ANKRD36: variants seen among roughly 807,000 people sequenced by gnomAD.
ANKRD36 encodes the protein ankyrin repeat domain-containing protein 36A.
In ANKRD36, 179 loss-of-function variants were observed where a neutral mutation model predicts 278.1. The observed-to-expected ratio is 0.64, with a 90% confidence interval of 0.57 to 0.73. The LOEUF (loss-of-function observed/expected upper bound fraction) is 0.73, where lower values mean the gene tolerates loss of function less well. ANKRD36 is among the 30% of genes least tolerant of loss of function. The probability of loss-of-function intolerance (pLI) is 0.00; values close to 1 mark genes in which losing one functional copy is unlikely to be tolerated. For synonymous variants in ANKRD36, 320 were observed against 641.1 expected (o/e 0.50, Z 7.57); for missense variants, 1,159 against 1,956.7 (o/e 0.59, Z 7.69).
chr2:97,201,837 T>A (rs1383543278), intron 46 of ANKRD36, among the ~76,000 whole-genome samples: 1 of 151,918 alleles, frequency 6.6e-6, no homozygotes, highest in East Asian at 1.9e-4. Flanking sequence ...GAAAGACATG[T>A]GGGATCATGT....
At chr2:97,173,728 G>A (rs2053379869) in intron 22 of ANKRD36, among the ~76,000 whole-genome samples, 1 of 151,758 alleles carries the variant, frequency 6.6e-6, no homozygotes, top group Non-Finnish European at 1.5e-5. Flanking sequence ...GGAGGTTTCT[G>A]ATGAGGAGAC....
chr2:97,208,753 T>A lies in ANKRD36; in HGVS notation c.3265+747T>A, dbSNP rs544998178. ...GAATGTGAATAAATTTGCTTCCTTG[T>A]TCAAGGAGCTACCTCGTGGATAAAA... On this transcript the variant is annotated intron_variant, in intron 54 of 75. Coordinates refer to ENST00000420699, the MANE Select transcript of ANKRD36 (RefSeq NM_001354587.1). Among the ~76,000 whole-genome samples, 3 of 146,622 alleles carry A rather than the reference T, an allele frequency of 2.0e-5. No individual in the cohort carries two copies. In the South Asian group the frequency reaches 6.3e-4, roughly 31 times the overall value.
intron 22 of ANKRD36, among the ~76,000 whole-genome samples, chr2:97,174,206 C>A (rs2924029): frequency 6.6e-6 from 1 of 151,678 alleles, no homozygotes; most frequent in Non-Finnish European, 1.5e-5. Context: ...GTGAGAAAGT[C>A]GAACTGCTGA....
intron 38 of ANKRD36, 38 bp from the exon 39 acceptor site, chr2:97,194,688 T>A: frequency 6.2e-7 from 1 of 1,602,156 alleles, no homozygotes; most frequent in Non-Finnish European, 8.5e-7. Flanking sequence ...TTTATCATAT[T>A]TACATGTGAG....
At chr2:97,185,175 T>C in intron 28 of ANKRD36, 141 bp from the exon 29 acceptor site, 1 of 1,187,210 alleles carries the variant, frequency 8.4e-7, no homozygotes, top group Non-Finnish European at 1.2e-6. Context: ...TTTCTGGTCA[T>C]GTTCCAGTCC....
chr2:97,213,494 A>G, intron 59 of ANKRD36, 47 bp downstream of exon 59: 1 of 556,236 alleles, frequency 1.8e-6, no homozygotes, highest in Non-Finnish European at 2.9e-6. Context: ...TGTGTGGTCT[A>G]TGAAACATAG....
rs997878928 is a variant in ANKRD36, at chr2:97,144,634, A to T, written c.931-6A>T. ...TATTGATTATTTTGTTTGAAATCCC[A>T]CTCAGGATACAAGTGACAAGGATGA... On this transcript the variant is annotated splice_region_variant and splice_polypyrimidine_tract_variant and intron_variant, in intron 9 of 75. Transcript: ENST00000420699. The T allele has an allele frequency of 1.0e-5, 16 of 1,545,164 alleles. No homozygotes were observed. Among genetic ancestry groups the T allele is most frequent in the Middle Eastern group, 1.7e-4 (1 of 5,910 alleles).
At chr2:97,205,294 A>G (rs910288112) in intron 50 of ANKRD36, among the ~76,000 whole-genome samples, 3 of 151,570 alleles carry the variant, frequency 2.0e-5, no homozygotes, top group African/African-American at 7.3e-5. Context: ...GAGTGGATGA[A>G]GAAACATTTG....
At chr2:97,166,002 G>A (rs2050549795) in intron 20 of ANKRD36, among the ~76,000 whole-genome samples, 1 of 150,764 alleles carries the variant, frequency 6.6e-6, no homozygotes, top group Non-Finnish European at 1.5e-5. Context: ...CTATGTCATT[G>A]TAATTGCAGA....
At chr2:97,195,618 G>A (rs1473829151) in intron 40 of ANKRD36, among the ~76,000 whole-genome samples, 176 of 152,052 alleles carry the variant, frequency 1.2e-3, no homozygotes, top group Admixed American at 2.3e-3. Context: ...GTTGATTTTA[G>A]TTATAGAAAT....
At chr2:97,178,878 A>T (rs547732385) in intron 22 of ANKRD36, among the ~76,000 whole-genome samples, 26 of 151,814 alleles carry the variant, frequency 1.7e-4, no homozygotes, top group African/African-American at 6.3e-4. Flanking sequence ...ATGATACTTT[A>T]ACCAGACTAT....
At chr2:97,134,417 G>A (rs577609646) in intron 6 of ANKRD36, among the ~76,000 whole-genome samples, 1 of 152,182 alleles carries the variant, frequency 6.6e-6, no homozygotes, top group South Asian at 2.1e-4. Context: ...TAGACTAGCA[G>A]TGGAAAGGGA....
In ANKRD36 at chr2:97,241,171, A is replaced by G. The variant is rs76751247; in HGVS notation, c.4094-95A>G. 1.3e-5 allele frequency: 8 copies of G among 592,824 alleles called. No homozygotes were observed. The East Asian group carries it at 2.2e-4, about 16-fold the overall frequency. The allele number at this position is 592,824 out of a possible 1,614,324, so 36.7% of individuals were successfully genotyped here. A position where few individuals can be genotyped will look rare whatever the true frequency, so the allele number is the denominator to read the frequency against. On this transcript the variant is annotated intron_variant, in intron 68 of 75. Coordinates refer to ENST00000420699, the MANE Select transcript of ANKRD36 (RefSeq NM_001354587.1). ...CACTCAATATGTACATACTTGTTCAACGTATGAATGAATACATGTTAAAAA... is the reference window on the plus strand; with the variant it reads ...CACTCAATATGTACATACTTGTTCAGCGTATGAATGAATACATGTTAAAAA...
At chr2:97,175,484 T>G (rs928049532) in intron 22 of ANKRD36, among the ~76,000 whole-genome samples, 2 of 151,936 alleles carry the variant, frequency 1.3e-5, no homozygotes, top group Non-Finnish European at 2.9e-5. Flanking sequence ...CCTTTATCAT[T>G]TTTTATTGCG....
At chr2:97,262,998 G>A (rs192665635) in intron 75 of ANKRD36, among the ~76,000 whole-genome samples, 2,487 of 130,822 alleles carry the variant, frequency 0.019, 9 homozygotes, top group Middle Eastern at 0.038. Context: ...GTGTTTTTCC[G>A]TGTTGCTCTT....
rs1203039977 is a variant in ANKRD36 at position 97,154,676 on chromosome 2, T to C, written c.1195T>C (p.Cys399Arg). The change falls in exon 15 of 76, where the codon TGT becomes CGT. Residue 399 changes from cysteine to arginine, a missense_variant and splice_region_variant. Cys to Arg is a radical substitution (Grantham distance 180, BLOSUM62 -3). Coordinates refer to ENST00000420699, the MANE Select transcript of ANKRD36 (RefSeq NM_001354587.1). ...TTGTAATATCTTTTTGCTCTGTAGGTGTCTCTACCTACTGGACCGTTTTGC... is the reference window on the plus strand; with the variant it reads ...TTGTAATATCTTTTTGCTCTGTAGGCGTCTCTACCTACTGGACCGTTTTGC... ...LPPVEEAVDR[C>R]LYLLDRFAQP... 6.7e-7 allele frequency: 1 copy of C among 1,481,910 alleles called. No homozygotes were observed. The highest frequency in any genetic ancestry group is 9.1e-7 in the Non-Finnish European group (1 of 1,102,342). 91.8% of individuals were successfully genotyped at this position (1,481,910 alleles called of 1,614,324 possible).
In ANKRD36 at chr2:97,172,076, G is replaced by T. The variant is rs1209457934; in HGVS notation, c.1633+4309G>T. On this transcript the variant is annotated intron_variant, in intron 22 of 75. Coordinates refer to ENST00000420699, the MANE Select transcript of ANKRD36 (RefSeq NM_001354587.1). ...TGATTCTGAGCTGTTACGGTTTTGG[G>T]TTTCCTATAATACTGAAGCTTACTG... is the stretch of plus-strand genomic sequence containing the variant. Among the ~76,000 whole-genome samples the T allele has an allele frequency of 3.3e-5, 5 of 151,952 alleles. 1 individual carries two copies. The highest frequency in any genetic ancestry group is 1.2e-4 in the African/African-American group (5 of 41,498).
At chr2:97,164,041 C>G (rs2049962597) in intron 18 of ANKRD36, 1 of 985,064 alleles carries the variant, frequency 1.0e-6, no homozygotes, top group Non-Finnish European at 1.2e-6. Flanking sequence ...TCATGTGAAA[C>G]CTAATCTCAC....
chr2:97,219,361 A>C, intron 66 of ANKRD36, 115 bp downstream of exon 66: 1 of 1,282,140 alleles, frequency 7.8e-7, no homozygotes, highest in East Asian at 2.7e-5. Context: ...TCAGGATTTC[A>C]TCTAAATAAT....
Sources: gnomAD v4.1 joint callset for allele counts (sites outside exome capture counted in the v4.1 genomes callset) on GRCh38, gnomAD v4.1.1 for gene constraint, MANE v1.5 for transcripts, NCBI Gene and HGNC (gene_info 2026-07-23, HGNC 2026-07-21) for gene names.